Variants in TBC1D4 observed in about 807,000 individuals in gnomAD.
The protein encoded by TBC1D4 is TBC (Tre-2, BUB2, CDC16) domain-containing protein.
In TBC1D4, 121 loss-of-function variants were observed where a neutral mutation model predicts 142.5. The observed-to-expected ratio is 0.85, with a 90% CI of 0.73 to 0.99. The LOEUF is 0.99. TBC1D4 is among the 50% of genes least tolerant of loss of function. The pLI is 0.00. For synonymous variants in TBC1D4, 630 were observed against 628.2 expected (o/e 1.00, Z -0.04); for missense variants, 1,475 against 1,606.6 (o/e 0.92, Z 1.40).
intron 5 of TBC1D4, among the ~76,000 whole-genome samples, chr13:75,347,740 T>A (rs1881266638): frequency 6.6e-6 from 1 of 152,238 alleles, no homozygotes; most frequent in Non-Finnish European, 1.5e-5. Flanking sequence ...GCTTCCTTTA[T>A]CACACAGCTA....
At position 75,362,231 on chromosome 13, in the gene TBC1D4, G is replaced by A; in HGVS notation, c.875C>T (p.Ser292Phe). The A allele has an allele frequency of 6.2e-7, 1 of 1,613,886 alleles. No individual in the cohort carries two copies. Among genetic ancestry groups the A allele is most frequent in the Non-Finnish European group, 8.5e-7 (1 of 1,179,986 alleles). ...AGASQPALTS[S>F]RVCFPERILE... ...AATCCGCTCAGGGAAGCAGACCCGA[G>A]AGCTGGTCAGGGCAGGCTGGCTGGC... Residue 292 changes from serine to phenylalanine, a missense_variant, in exon 2 of 21, where the codon TCT (serine) becomes TTT (phenylalanine). Around this residue, in one of 2 missense-constraint regions of TBC1D4, gnomAD observed 1,227 missense variants for 1,267.7 expected, o/e 0.97. Coordinates refer to ENST00000377636, the MANE Select transcript of TBC1D4 (RefSeq NM_014832.5). This position sits in a 1 kb window ranked among gnomAD's most constrained non-coding sequence, Gnocchi z 4.2.
intron 11 of TBC1D4, 143 bp from the exon 12 acceptor site, chr13:75,320,180 CT>C (rs980710894): frequency 4.9e-4 from 391 of 790,440 alleles, no homozygotes; most frequent in Middle Eastern, 9.5e-4. Context: ...ATAATTATAC[CT>C]TTTTTTTTCA....
chr13:75,410,628 T>C (rs1885599873), intron 1 of TBC1D4, among the ~76,000 whole-genome samples: 1 of 152,074 alleles, frequency 6.6e-6, no homozygotes, highest in Admixed American at 6.5e-5. Context: ...AAGTAAAAAA[T>C]AACTACTTTA....
chr13:75,366,782 A>G (rs1377909267), intron 1 of TBC1D4: 2 of 241,234 alleles, frequency 8.3e-6, no homozygotes, highest in African/African-American at 4.6e-5. Context: ...AAAACCCATT[A>G]ACATTTTATA....
At chr13:75,288,405 G>A (rs182592457) in intron 20 of TBC1D4, among the ~76,000 whole-genome samples, 1 of 152,268 alleles carries the variant, frequency 6.6e-6, no homozygotes, top group Non-Finnish European at 1.5e-5. Flanking sequence ...TTAAAGCCAT[G>A]TTCTTTGGCT....
chr13:75,288,257 C>T (rs1022460286), intron 20 of TBC1D4, among the ~76,000 whole-genome samples: 5 of 152,028 alleles, frequency 3.3e-5, no homozygotes, highest in African/African-American at 7.3e-5. Context: ...TCTCATCATC[C>T]GCAACAGATT....
chr13:75,284,409 T>A lies in TBC1D4; in HGVS notation c.*2383A>T, dbSNP rs963841324. ...GATGATGGGAGACAGTGACAGATCA[T>A]CAGGCATTCGATTCTCTTAAGGAAC... On this transcript the variant is annotated 3_prime_UTR_variant, in exon 21 of 21. Coordinates refer to ENST00000377636, the MANE Select transcript of TBC1D4 (RefSeq NM_014832.5). Among the ~76,000 whole-genome samples the A allele has an allele frequency of 7.9e-5, 12 of 152,210 alleles. No individual in the cohort carries two copies. Among genetic ancestry groups the A allele is most frequent in the African/African-American group, 2.9e-4 (12 of 41,458 alleles).
intron 8 of TBC1D4, among the ~76,000 whole-genome samples, chr13:75,335,092 C>A (rs1283516952): frequency 2.0e-5 from 3 of 152,186 alleles, no homozygotes; most frequent in Non-Finnish European, 2.9e-5. Flanking sequence ...GGCACCCATC[C>A]CTGTGAATGC....
rs537966919 is a variant in TBC1D4, at chr13:75,324,402, C to T, written c.2034-1G>A. On this transcript the variant is annotated splice_acceptor_variant, in intron 10 of 20. Coordinates refer to ENST00000377636, the MANE Select transcript of TBC1D4 (RefSeq NM_014832.5). LOFTEE classifies it high-confidence loss of function. The stretch of plus-strand genomic sequence containing the variant: ...CATGCGTCGAACTGACGAAAGATTG[C>T]TGAGTACAGAAAATACAGCAAATAT... 3 of 1,613,678 alleles carry T rather than the reference C, an allele frequency of 1.9e-6. No homozygotes were observed. The highest frequency in any genetic ancestry group is 1.7e-5 in the Admixed American group (1 of 59,996).
intron 18 of TBC1D4, among the ~76,000 whole-genome samples, chr13:75,293,382 A>G (rs1342948439): frequency 6.6e-6 from 1 of 152,148 alleles, no homozygotes; most frequent in Non-Finnish European, 1.5e-5. Context: ...TTGAACAGCT[A>G]TTGTATAGCC....
chr13:75,469,600 ATC>A (rs1391592301), intron 1 of TBC1D4, among the ~76,000 whole-genome samples: 1 of 152,050 alleles, frequency 6.6e-6, no homozygotes, highest in Non-Finnish European at 1.5e-5. Context: ...GCCAAACCCT[ATC>A]TCTACAAAAA....
intron 16 of TBC1D4, among the ~76,000 whole-genome samples, 187 bp from the exon 17 acceptor site, chr13:75,299,761 T>C (rs1382594734): frequency 7.1e-6 from 1 of 141,410 alleles, no homozygotes; most frequent in Non-Finnish European, 1.5e-5. Context: ...CAGGCCACCA[T>C]ACCATCTTCA....
intron 7 of TBC1D4, among the ~76,000 whole-genome samples, chr13:75,337,846 G>A (rs1236316584): frequency 1.3e-5 from 2 of 152,130 alleles, no homozygotes; most frequent in South Asian, 4.1e-4. Context: ...AATCCTAAAG[G>A]GTGGATTGCT....
rs1053166997 is a variant in TBC1D4, at chr13:75,284,280, TTATTATTATTATATCCTCACCA to T, written c.*2490_*2511del. 2.6e-5 allele frequency among the ~76,000 whole-genome samples: 4 copies of T among 151,910 alleles called. No individual in the cohort carries two copies. Among genetic ancestry groups the T allele is most frequent in the Admixed American group, 2.6e-4 (4 of 15,254 alleles). ...ACATTTATTGTGCACTTTATTTCTA[TTATTATTATTATATCCTCACCA>T]TATTATTATTATATACTCACCATAA... On this transcript the variant is annotated 3_prime_UTR_variant, in exon 21 of 21. Transcript: ENST00000377636.
chr13:75,397,456 T>C (rs527438718), intron 1 of TBC1D4, among the ~76,000 whole-genome samples: 50 of 152,276 alleles, frequency 3.3e-4, no homozygotes, highest in African/African-American at 1.1e-3. Context: ...AGGGATACTC[T>C]CTGTAGCTGA....
rs1348946388 is a variant in TBC1D4 at position 75,481,760 on chromosome 13, G to T, written c.8C>A (p.Pro3Gln). ME[P>Q]PSCIQDEPFP... ...CGGCTCATCCTGAATGCAGCTGGGCGGCTCCATAACTCTCGCCTCACCAGG... is the reference window on the plus strand; with the variant it reads ...CGGCTCATCCTGAATGCAGCTGGGCTGCTCCATAACTCTCGCCTCACCAGG... The change falls in exon 1 of 21, where the codon CCG (proline) becomes CAG (glutamine). Residue 3 changes from proline (P) to glutamine (Q), a missense_variant. Pro to Gln is a moderately conservative substitution (Grantham distance 76). Transcript: ENST00000377636. 3 of 1,583,024 alleles carry T rather than the reference G, an allele frequency of 1.9e-6. No individual in the cohort carries two copies. Among genetic ancestry groups the T allele is most frequent in the African/African-American group, 2.8e-5 (2 of 72,346 alleles).
At position 75,360,065 on chromosome 13, in the gene TBC1D4, G is replaced by A. The variant is rs114179249; in HGVS notation, c.1081-207C>T. On this transcript the variant is annotated intron_variant, in intron 2 of 20. Transcript: ENST00000377636. ...ATGTTTCTTTCCTCTGTCAAAAAACGTATGAAAATTAAGTTAGTCTTCAAT... is the reference window on the plus strand; with the variant it reads ...ATGTTTCTTTCCTCTGTCAAAAAACATATGAAAATTAAGTTAGTCTTCAAT... Among the ~76,000 whole-genome samples, 573 of 150,628 alleles carry A rather than the reference G, an allele frequency of 3.8e-3. 9 individuals carry two copies. The highest frequency in any genetic ancestry group is 0.013 in the African/African-American group (546 of 41,116).
chr13:75,320,648 C>A (rs1182189958), intron 11 of TBC1D4, among the ~76,000 whole-genome samples: 1 of 151,846 alleles, frequency 6.6e-6, no homozygotes, highest in Non-Finnish European at 1.5e-5. Flanking sequence ...AAAATAGTAA[C>A]CTGTTTTCAG....
chr13:75,374,306 A>G (rs2138224164), intron 1 of TBC1D4, among the ~76,000 whole-genome samples: 1 of 152,300 alleles, frequency 6.6e-6, no homozygotes, highest in South Asian at 2.1e-4. Flanking sequence ...TATTTCAAGT[A>G]CATTCTGGAA....
Sources: allele counts gnomAD v4.1 joint callset (sites outside exome capture counted in the v4.1 genomes callset), GRCh38; gene constraint gnomAD v4.1.1; regional missense constraint gnomAD v4.1.1; non-coding constraint Gnocchi (gnomAD v3.1); transcripts MANE v1.5; gene names NCBI Gene and HGNC (gene_info 2026-07-23, HGNC 2026-07-21).